TCF20: variants seen among roughly 807,000 people sequenced by gnomAD.
TCF20 encodes transcription factor 20.
Under a neutral mutation model 148.6 loss-of-function variants are expected in TCF20, and 3 were observed. The observed-to-expected ratio is 0.02, with a 90% CI of 0.01 to 0.05. The LOEUF (loss-of-function observed/expected upper bound fraction) is 0.05. Among genes scored for constraint, TCF20 ranks in the 10% least tolerant of loss-of-function variants. TCF20 has a pLI of 1.00. For missense variants in TCF20, 2,350 were observed against 2,429.3 expected, an observed-to-expected ratio of 0.97 and a Z score of 0.69; for synonymous variants, 1,049 against 909.5, an observed-to-expected ratio of 1.15 and a Z score of -2.76.
chr22:42,258,946 T>C (rs998371662), intron 1 of TCF20, among the ~76,000 whole-genome samples: 1 of 152,224 alleles, frequency 6.6e-6, no homozygotes, highest in Non-Finnish European at 1.5e-5. Context: ...AGCCAAACTT[T>C]AGGAAGGTCT....
intron 2 of TCF20, among the ~76,000 whole-genome samples, chr22:42,183,964 T>A (rs1354229285): frequency 3.3e-5 from 5 of 152,120 alleles, no homozygotes; most frequent in Non-Finnish European, 7.4e-5. Flanking sequence ...AGATGAGGTT[T>A]CACCATGTTG....
intron 1 of TCF20, among the ~76,000 whole-genome samples, chr22:42,282,955 T>C (rs1268009629): frequency 6.6e-6 from 1 of 152,228 alleles, no homozygotes; most frequent in Non-Finnish European, 1.5e-5. Flanking sequence ...GGCCTCGGCC[T>C]GGGTTACTTG....
At chr22:42,194,401 G>A (rs1176158799) in intron 2 of TCF20, among the ~76,000 whole-genome samples, 1 of 152,188 alleles carries the variant, frequency 6.6e-6, no homozygotes, top group Non-Finnish European at 1.5e-5. Flanking sequence ...CTGCCAGGAG[G>A]CGAAACTAAA....
intron 1 of TCF20, among the ~76,000 whole-genome samples, chr22:42,246,217 T>TA (rs924307710): frequency 1.1e-4 from 16 of 152,234 alleles, no homozygotes; most frequent in Admixed American, 3.9e-4. Flanking sequence ...GTGATTCTCT[T>TA]ACCTCAGCCT....
chr22:42,222,161 C>G (rs1243945307), intron 1 of TCF20, among the ~76,000 whole-genome samples: 3 of 152,180 alleles, frequency 2.0e-5, no homozygotes, highest in Admixed American at 6.5e-5. Flanking sequence ...TAAAAGACAA[C>G]AAATGCATTT....
intron 1 of TCF20, among the ~76,000 whole-genome samples, chr22:42,294,949 CT>C (rs1190577015): frequency 6.6e-6 from 1 of 152,218 alleles, no homozygotes; most frequent in African/African-American, 2.4e-5. Flanking sequence ...GGGAGACATG[CT>C]GGCGCTGGCA....
intron 2 of TCF20, among the ~76,000 whole-genome samples, chr22:42,193,019 T>C (rs970038015): frequency 6.6e-6 from 1 of 152,222 alleles, no homozygotes; most frequent in Admixed American, 6.5e-5. Context: ...CCCAGGTTCT[T>C]ATCCTCAAGA....
intron 1 of TCF20, among the ~76,000 whole-genome samples, chr22:42,237,081 G>A (rs1408131611): frequency 3.9e-5 from 6 of 152,108 alleles, no homozygotes; most frequent in Admixed American, 6.6e-5. Flanking sequence ...CTGACGCATC[G>A]ACTGGCTCTT....
At chr22:42,228,927 A>G (rs1028510742) in intron 1 of TCF20, among the ~76,000 whole-genome samples, 1 of 152,174 alleles carries the variant, frequency 6.6e-6, no homozygotes, top group Non-Finnish European at 1.5e-5. Flanking sequence ...GAAGTATAAG[A>G]ACCGTTTTGT....
chr22:42,335,774 G>T (rs940087896), intron 1 of TCF20, among the ~76,000 whole-genome samples: 1 of 152,140 alleles, frequency 6.6e-6, no homozygotes, highest in African/African-American at 2.4e-5. Flanking sequence ...CCAGTAGGGT[G>T]GCAAGGGGGT....
intron 1 of TCF20, among the ~76,000 whole-genome samples, chr22:42,303,601 C>T (rs767985311): frequency 5.9e-5 from 9 of 152,352 alleles, no homozygotes; most frequent in Admixed American, 1.3e-4. Context: ...TGTCTGGCCT[C>T]ACCTTTAACT....
At chr22:42,234,640 T>C (rs192562081) in intron 1 of TCF20, among the ~76,000 whole-genome samples, 13 of 152,324 alleles carry the variant, frequency 8.5e-5, no homozygotes, top group Admixed American at 1.3e-4. Flanking sequence ...CTTCTGAAGA[T>C]TGAGCGTCCC....
chr22:42,232,291 G>A (rs1569170095), intron 1 of TCF20, among the ~76,000 whole-genome samples: 1 of 152,120 alleles, frequency 6.6e-6, no homozygotes, highest in Non-Finnish European at 1.5e-5. Flanking sequence ...GCTACACCCA[G>A]GCTAGGTGTG....
At chr22:42,235,834 A>C (rs1923835356) in intron 1 of TCF20, among the ~76,000 whole-genome samples, 1 of 152,120 alleles carries the variant, frequency 6.6e-6, no homozygotes, top group Admixed American at 6.6e-5. Context: ...TATAAATCAA[A>C]ATTATCACTG....
intron 5 of TCF20, among the ~76,000 whole-genome samples, chr22:42,162,186 A>G (rs1935509791): frequency 6.6e-6 from 1 of 151,852 alleles, no homozygotes; most frequent in Non-Finnish European, 1.5e-5. Context: ...TTGCCATGTT[A>G]GGCTGGTCTA....
At chr22:42,181,891 C>T (rs565768810) in intron 2 of TCF20, among the ~76,000 whole-genome samples, 4 of 152,148 alleles carry the variant, frequency 2.6e-5, no homozygotes, top group Non-Finnish European at 2.9e-5. Flanking sequence ...AGATTACAAG[C>T]ATGAAAGTTT....
chr22:42,232,603 G>T (rs1418345663), intron 1 of TCF20, among the ~76,000 whole-genome samples: 1 of 151,934 alleles, frequency 6.6e-6, no homozygotes, highest in Non-Finnish European at 1.5e-5. Context: ...CGAGGCGGGC[G>T]GATCACGAGG....
intron 1 of TCF20, among the ~76,000 whole-genome samples, chr22:42,230,802 C>T (rs1006960183): frequency 6.6e-6 from 1 of 151,584 alleles, no homozygotes; most frequent in African/African-American, 2.4e-5. Flanking sequence ...TAGGCTAATG[C>T]ATGTGTTTGT....
chr22:42,288,828 C>A (rs1310046256), upstream of TCF20, among the ~76,000 whole-genome samples: 1 of 150,438 alleles, frequency 6.6e-6, no homozygotes, highest in Non-Finnish European at 1.5e-5. Flanking sequence ...TGCCATTCTA[C>A]AGATAAGGAA....
Sources: gnomAD v4.1 joint callset for allele counts (sites outside exome capture counted in the v4.1 genomes callset) on GRCh38, gnomAD v4.1.1 for gene constraint, MANE v1.5 for transcripts, NCBI Gene and HGNC (gene_info 2026-07-23, HGNC 2026-07-21) for gene names.